The following XIRP2 variants were observed in gnomAD, a reference collection of about 807,000 sequenced individuals.
XIRP2 encodes xin actin binding repeat containing 2.
XIRP2 carries 236 observed loss-of-function variants against 277.0 expected under a neutral mutation model. The ratio of observed to expected loss-of-function variants is 0.85; its 90% CI spans 0.77 to 0.95. The LOEUF (loss-of-function observed/expected upper bound fraction) is 0.95, where lower values mean the gene tolerates loss of function less well. XIRP2 is among the 40% of genes least tolerant of loss of function. XIRP2 has a pLI of 0.00. For synonymous variants in XIRP2, 1,490 were observed against 1,416.5 expected (o/e 1.05, Z -1.17); for missense variants, 4,640 against 4,157.5 (o/e 1.12, Z -3.19).
chr2:167,010,026 G>A (rs540471694), intron 2 of XIRP2, among the ~76,000 whole-genome samples: 17 of 151,808 alleles, frequency 1.1e-4, no homozygotes, highest in Admixed American at 3.9e-4. Flanking sequence ...GCCTGTTCAC[G>A]CTGATGGTAG....
chr2:167,218,496 G>A (rs1223161808), intron 5 of XIRP2, among the ~76,000 whole-genome samples, 196 bp downstream of exon 5: 1 of 151,970 alleles, frequency 6.6e-6, no homozygotes, highest in African/African-American at 2.4e-5. Context: ...AAGCATTTTT[G>A]CCAAATTTCT....
intron 2 of XIRP2, among the ~76,000 whole-genome samples, chr2:167,038,199 T>A (rs1364858909): frequency 6.6e-6 from 1 of 152,056 alleles, no homozygotes; most frequent in Admixed American, 6.5e-5. Context: ...TTTTGTTATA[T>A]GCATAGTTCA....
At chr2:167,120,136 G>T (rs975568766) in intron 2 of XIRP2, among the ~76,000 whole-genome samples, 9 of 152,124 alleles carry the variant, frequency 5.9e-5, no homozygotes, top group Admixed American at 5.9e-4. Flanking sequence ...CTGTAGTCCA[G>T]TAGTGCAGAA....
At chr2:167,064,874 A>C (rs991343067) in intron 2 of XIRP2, among the ~76,000 whole-genome samples, 1 of 151,924 alleles carries the variant, frequency 6.6e-6, no homozygotes, top group East Asian at 1.9e-4. Context: ...CTATAGGTAT[A>C]TACCTCATTT....
At chr2:167,091,735 C>T (rs1690154131) in intron 2 of XIRP2, among the ~76,000 whole-genome samples, 1 of 152,028 alleles carries the variant, frequency 6.6e-6, no homozygotes, top group Non-Finnish European at 1.5e-5. Context: ...TACATAATTA[C>T]AGAACTATAA....
intron 2 of XIRP2, among the ~76,000 whole-genome samples, chr2:166,976,409 G>A (rs1409267364): frequency 6.6e-6 from 1 of 151,972 alleles, no homozygotes; most frequent in African/African-American, 2.4e-5. Flanking sequence ...TACTTCTTTG[G>A]GGGAGTATAA....
chr2:167,253,804 G>A (rs997398234), intron 9 of XIRP2, among the ~76,000 whole-genome samples: 2 of 151,268 alleles, frequency 1.3e-5, no homozygotes, highest in African/African-American at 2.4e-5. Context: ...ATGTCTACTC[G>A]TACAATCTAT....
chr2:167,221,557 T>C (rs1255349813), intron 5 of XIRP2, among the ~76,000 whole-genome samples: 6 of 151,690 alleles, frequency 4.0e-5, no homozygotes, highest in Non-Finnish European at 8.8e-5. Flanking sequence ...GAGATAAATG[T>C]CAAATTTGGC....
At chr2:167,082,767 T>G (rs925482549) in intron 2 of XIRP2, among the ~76,000 whole-genome samples, 4 of 152,234 alleles carry the variant, frequency 2.6e-5, no homozygotes, top group Non-Finnish European at 5.9e-5. Context: ...GTTCATGTCC[T>G]TCACCCACTT....
intron 9 of XIRP2, among the ~76,000 whole-genome samples, chr2:167,252,637 G>C (rs1380962751): frequency 6.6e-6 from 1 of 151,898 alleles, no homozygotes; most frequent in African/African-American, 2.4e-5. Context: ...TATTTGGAAG[G>C]AGGGAGGTTT....
intron 3 of XIRP2, among the ~76,000 whole-genome samples, chr2:167,145,443 T>G (rs539264910): frequency 6.6e-6 from 1 of 152,290 alleles, no homozygotes; most frequent in South Asian, 2.1e-4. Context: ...GCTGAAAGAA[T>G]ATATAGTAGG....
At chr2:167,031,205 A>T (rs1688336581) in intron 2 of XIRP2, among the ~76,000 whole-genome samples, 1 of 152,126 alleles carries the variant, frequency 6.6e-6, no homozygotes, top group Admixed American at 6.6e-5. Flanking sequence ...TAAGGTTAAC[A>T]CTGTTATGTG....
chr2:166,964,933 A>G (rs1456860052), intron 2 of XIRP2, among the ~76,000 whole-genome samples: 3 of 151,796 alleles, frequency 2.0e-5, no homozygotes, highest in African/African-American at 7.2e-5. Context: ...CTCATACTAT[A>G]TATTCATCAC....
chr2:166,974,217 A>G (rs1686653708), intron 2 of XIRP2, among the ~76,000 whole-genome samples: 3 of 152,154 alleles, frequency 2.0e-5, no homozygotes, highest in East Asian at 1.9e-4. Context: ...CTTCAATATC[A>G]TTGGCTTGGA....
chr2:167,121,548 T>C (rs1434631397), intron 2 of XIRP2, among the ~76,000 whole-genome samples: 2 of 152,222 alleles, frequency 1.3e-5, no homozygotes, highest in African/African-American at 4.8e-5. Flanking sequence ...GCCAGTAATG[T>C]GGTCAATTGA....
chr2:167,206,800 C>A (rs1006981985), intron 3 of XIRP2, among the ~76,000 whole-genome samples: 3 of 152,110 alleles, frequency 2.0e-5, no homozygotes, highest in African/African-American at 7.2e-5. Flanking sequence ...ATAAGACTGT[C>A]CGCAACTACA....
In XIRP2 at chr2:167,243,635, C is replaced by T. The variant is rs199841320; in HGVS notation, c.2243C>T (p.Ser748Leu). ...TQPLYVIRDG[S>L]GQMLEIKTVH... ...CCATTATATGTTATTAGAGATGGTT[C>T]GGGCCAAATGCTGGAAATTAAAACT... is the stretch of plus-strand genomic sequence containing the variant. The change falls in exon 9 of 11, where the codon TCG becomes TTG. Residue 748 changes from serine (S) to leucine (L), a missense_variant. By Grantham distance (145) the Ser-to-Leu change is moderately radical. Coordinates refer to ENST00000409195, the MANE Select transcript of XIRP2 (RefSeq NM_152381.6). The T allele has an allele frequency of 2.7e-5, 43 of 1,613,676 alleles. No individual in the cohort carries two copies. The highest frequency in any genetic ancestry group is 1.6e-4 in the Middle Eastern group (1 of 6,084).
At chr2:167,047,375 A>T (rs192178269) in intron 2 of XIRP2, among the ~76,000 whole-genome samples, 206 of 152,056 alleles carry the variant, frequency 1.4e-3, no homozygotes, top group African/African-American at 4.3e-3. Flanking sequence ...TCACCGAGAT[A>T]ACATTACACA....
At chr2:167,050,878 C>T (rs1688896898) in intron 2 of XIRP2, among the ~76,000 whole-genome samples, 1 of 151,738 alleles carries the variant, frequency 6.6e-6, no homozygotes, top group African/African-American at 2.4e-5. Context: ...AATGAAGATG[C>T]ATAGCGCCTA....
Sources: allele counts gnomAD v4.1 joint callset (sites outside exome capture counted in the v4.1 genomes callset), GRCh38; gene constraint gnomAD v4.1.1; transcripts MANE v1.5; gene names NCBI Gene and HGNC (gene_info 2026-07-23, HGNC 2026-07-21).